Variants in MACROD2 observed in about 807,000 individuals in gnomAD.
The protein encoded by MACROD2 is mono-ADP ribosylhydrolase 2.
Under a neutral mutation model 70.4 loss-of-function variants are expected in MACROD2, and 36 were observed. The observed-to-expected ratio is 0.51, with a 90% CI of 0.39 to 0.68. The LOEUF is 0.68. Among genes scored for constraint, MACROD2 ranks in the 30% least tolerant of loss-of-function variants. The pLI, the probability that MACROD2 is intolerant of heterozygous loss-of-function variation, is 0.00. For synonymous variants in MACROD2, 172 were observed against 178.8 expected, an observed-to-expected ratio of 0.96 and a Z score of 0.30; for missense variants, 496 against 538.4, an observed-to-expected ratio of 0.92 and a Z score of 0.78.
chr20:14,423,473 G>C (rs2122901521), intron 3 of MACROD2, among the ~76,000 whole-genome samples: 1 of 151,730 alleles, frequency 6.6e-6, no homozygotes, highest in Non-Finnish European at 1.5e-5. Context: ...GCCGAGGGGG[G>C]CGGATCACGA....
intron 4 of MACROD2, among the ~76,000 whole-genome samples, chr20:14,655,464 T>G (rs1985922538): frequency 6.6e-6 from 1 of 152,020 alleles, no homozygotes; most frequent in Admixed American, 6.6e-5. Flanking sequence ...ATAACTTAGT[T>G]ATTCAAACAT....
intron 5 of MACROD2, among the ~76,000 whole-genome samples, chr20:15,102,344 A>G (rs1204764106): frequency 6.6e-6 from 1 of 152,060 alleles, no homozygotes; most frequent in Non-Finnish European, 1.5e-5. Context: ...CCCTGGAGAA[A>G]GTTTAACTAG....
intron 4 of MACROD2, among the ~76,000 whole-genome samples, chr20:14,619,395 G>C: frequency 5.1e-5 from 1 of 19,474 alleles, no homozygotes. Context: ...AAGGAAGGAG[G>C]GGGGAGGAAG....
chr20:15,261,066 T>C (rs2077245172), intron 6 of MACROD2, among the ~76,000 whole-genome samples: 1 of 151,984 alleles, frequency 6.6e-6, no homozygotes, highest in Non-Finnish European at 1.5e-5. Flanking sequence ...GATTAGACAT[T>C]TCCAAGCCCA....
chr20:14,239,794 C>A (rs1470379762), intron 3 of MACROD2, among the ~76,000 whole-genome samples: 1 of 152,014 alleles, frequency 6.6e-6, no homozygotes, highest in Non-Finnish European at 1.5e-5. Flanking sequence ...GACGTAGATG[C>A]CAAAAGCGGT....
intron 7 of MACROD2, among the ~76,000 whole-genome samples, chr20:15,460,514 G>A (rs1204880161): frequency 6.6e-6 from 1 of 152,060 alleles, no homozygotes; most frequent in African/African-American, 2.4e-5. Context: ...CTTCCTCAGT[G>A]GTCTGGGTTT....
At chr20:14,587,620 A>G (rs771104942) in intron 4 of MACROD2, among the ~76,000 whole-genome samples, 5 of 151,928 alleles carry the variant, frequency 3.3e-5, no homozygotes, top group Admixed American at 6.5e-5. Flanking sequence ...ATTAAAATGT[A>G]TAAACAGAAT....
At chr20:15,303,697 A>G (rs2077668850) in intron 6 of MACROD2, among the ~76,000 whole-genome samples, 1 of 152,232 alleles carries the variant, frequency 6.6e-6, no homozygotes, top group African/African-American at 2.4e-5. Flanking sequence ...TTCTTCTATT[A>G]CAGAGTAACA....
At chr20:14,847,669 A>G (rs1373196005) in intron 5 of MACROD2, among the ~76,000 whole-genome samples, 2 of 152,054 alleles carry the variant, frequency 1.3e-5, no homozygotes, top group East Asian at 3.9e-4. Flanking sequence ...CATTAGTTTT[A>G]TCAATAGATT....
chr20:14,102,250 C>T (rs2054311260), intron 3 of MACROD2, among the ~76,000 whole-genome samples: 1 of 151,918 alleles, frequency 6.6e-6, no homozygotes, highest in African/African-American at 2.4e-5. Context: ...GATCTGCCCG[C>T]CTCAGCCTCC....
At chr20:14,120,397 G>A (rs112366887) in intron 3 of MACROD2, among the ~76,000 whole-genome samples, 6,223 of 151,912 alleles carry the variant, frequency 0.041, 174 homozygotes, top group African/African-American at 0.08. Context: ...GCTGTGGAGA[G>A]ATAGGAACAC....
chr20:14,880,022 T>C (rs2073593261), intron 5 of MACROD2, among the ~76,000 whole-genome samples: 1 of 152,156 alleles, frequency 6.6e-6, no homozygotes, highest in South Asian at 2.1e-4. Flanking sequence ...GTATGCATCG[T>C]GCTTTCGTTT....
intron 8 of MACROD2, among the ~76,000 whole-genome samples, chr20:15,722,108 A>G (rs1259070511): frequency 6.6e-6 from 1 of 152,180 alleles, no homozygotes. Context: ...CCATTGAATG[A>G]ATTTGCCATA....
rs184733926 is a variant in MACROD2 at position 14,623,672 on chromosome 20, G to C, written c.302-61171G>C. Among the ~76,000 whole-genome samples the C allele has an allele frequency of 8.3e-4, 127 of 152,286 alleles. 1 individual carries two copies. The highest frequency in any genetic ancestry group is 2.2e-3 in the Admixed American group (34 of 15,290). ...AGCCAAACAGATAATAAAAATATTAGTGAGAGGAGCATCATCATCCCTGAA... is the reference window on the plus strand; with the variant it reads ...AGCCAAACAGATAATAAAAATATTACTGAGAGGAGCATCATCATCCCTGAA... On this transcript the variant is annotated intron_variant, in intron 4 of 17. Coordinates refer to ENST00000684519, the MANE Select transcript of MACROD2 (RefSeq NM_001351661.2).
intron 6 of MACROD2, among the ~76,000 whole-genome samples, chr20:15,340,021 G>C (rs992514641): frequency 6.6e-6 from 1 of 151,776 alleles, no homozygotes; most frequent in Non-Finnish European, 1.5e-5. Flanking sequence ...GATTAGTAAG[G>C]TAGGATTGAG....
At chr20:15,477,106 T>TG (rs1018495356) in intron 7 of MACROD2, among the ~76,000 whole-genome samples, 5 of 147,416 alleles carry the variant, frequency 3.4e-5, no homozygotes, top group East Asian at 2.0e-4. Context: ...TTAGTTTTTT[T>TG]TTTTTTTTTT....
At position 15,475,941 on chromosome 20, in the gene MACROD2, C is replaced by T. The variant is rs774861926; in HGVS notation, c.572-23833C>T. Among the ~76,000 whole-genome samples the T allele has an allele frequency of 2.6e-4, 39 of 152,276 alleles. 1 individual carries two copies. The Middle Eastern group carries it at 0.014, about 53-fold the overall frequency. Reference sequence around the variant, plus strand: ...GAGGAGAAGAAAATGTTCTTCGTTGCGTTCTATAAGGGAAATATATTGCAA... The same window carrying T: ...GAGGAGAAGAAAATGTTCTTCGTTGTGTTCTATAAGGGAAATATATTGCAA... On this transcript the variant is annotated intron_variant, in intron 7 of 17. Transcript: ENST00000684519.
At chr20:14,743,267 T>C (rs1266502783) in intron 5 of MACROD2, among the ~76,000 whole-genome samples, 1 of 152,134 alleles carries the variant, frequency 6.6e-6, no homozygotes, top group Non-Finnish European at 1.5e-5. Flanking sequence ...CTCTGGAACC[T>C]GTGAATATTA....
At chr20:15,505,766 A>C (rs1315374004) in intron 8 of MACROD2, among the ~76,000 whole-genome samples, 3 of 152,094 alleles carry the variant, frequency 2.0e-5, no homozygotes, top group African/African-American at 7.2e-5. Flanking sequence ...GGCAAGGAAA[A>C]ACCCCAGCTC....
Sources: allele counts gnomAD v4.1 joint callset (sites outside exome capture counted in the v4.1 genomes callset), GRCh38; gene constraint gnomAD v4.1.1; transcripts MANE v1.5; gene names NCBI Gene and HGNC (gene_info 2026-07-23, HGNC 2026-07-21).